The following ADAMTSL3 variants were observed in gnomAD, a reference collection of about 807,000 sequenced individuals.
ADAMTSL3 encodes the protein ADAMTS-like protein 3.
In ADAMTSL3, 128 loss-of-function variants were observed where a neutral mutation model predicts 201.7. The ratio of observed to expected loss-of-function variants is 0.63; its 90% CI spans 0.55 to 0.73. The LOEUF (loss-of-function observed/expected upper bound fraction) is 0.73, where lower values mean the gene tolerates loss of function less well. Ranked by LOEUF, ADAMTSL3 falls within the 30% of genes least tolerant of loss-of-function variation. The pLI, the probability that ADAMTSL3 is intolerant of heterozygous loss-of-function variation, is 0.00. For synonymous variants in ADAMTSL3, 738 were observed against 748.4 expected (o/e 0.99, Z 0.23); for missense variants, 1,990 against 2,119.6 (o/e 0.94, Z 1.20).
Position 83,884,060 on chromosome 15 carries a change from T to G in ADAMTSL3, c.961-1041T>G, listed in dbSNP as rs548576157. Among the ~76,000 whole-genome samples the G allele has an allele frequency of 2.6e-5, 4 of 151,950 alleles. No individual in the cohort carries two copies. The South Asian group carries it at 8.3e-4, about 32-fold the overall frequency. On this transcript the variant is annotated intron_variant, in intron 9 of 29. Transcript: ENST00000286744. ...GGCACATGCCACCACACCCAGCTAA[T>G]TTTTGTATTTTTTAGTAGAGACCAG...
chr15:83,914,473 T>C lies in ADAMTSL3; in HGVS notation c.1987+1095T>C, dbSNP rs549354744. On this transcript the variant is annotated intron_variant, in intron 16 of 29. Coordinates refer to ENST00000286744, the MANE Select transcript of ADAMTSL3 (RefSeq NM_207517.3). Reference sequence around the variant, plus strand: ...TATACCTGCGTATCCTTGCCACTTTTTGTATAACATTGCTAGCCTGGCAGT... The same window carrying C: ...TATACCTGCGTATCCTTGCCACTTTCTGTATAACATTGCTAGCCTGGCAGT... Among the ~76,000 whole-genome samples the C allele has an allele frequency of 9.2e-5, 14 of 152,340 alleles. No homozygotes were observed. In the South Asian group the frequency reaches 2.9e-3, roughly 32 times the overall value.
At chr15:83,985,484 A>G (rs1395593057) in intron 21 of ADAMTSL3, among the ~76,000 whole-genome samples, 3 of 152,106 alleles carry the variant, frequency 2.0e-5, no homozygotes, top group Non-Finnish European at 2.9e-5. Context: ...ATCATATTCC[A>G]TGAAAGAAGC....
chr15:83,896,298 G>T (rs2141904214), intron 13 of ADAMTSL3, among the ~76,000 whole-genome samples: 1 of 152,306 alleles, frequency 6.6e-6, no homozygotes, highest in Non-Finnish European at 1.5e-5. Flanking sequence ...CCCTGGGGTG[G>T]ATCCAGAATT....
chr15:83,962,581 G>A (rs2066993051), intron 19 of ADAMTSL3: 1 of 152,028 alleles, frequency 6.6e-6, no homozygotes, highest in Non-Finnish European at 1.5e-5. Flanking sequence ...AGTTGAAATT[G>A]CATGTATACA....
intron 19 of ADAMTSL3, among the ~76,000 whole-genome samples, chr15:83,968,467 A>G (rs138532692): frequency 0.12 from 17,639 of 152,296 alleles, 1,508 homozygotes; most frequent in Non-Finnish European, 0.17. Context: ...ATGAGATACC[A>G]TCTCACACCA....
At chr15:83,784,668 T>C (rs1276883968) in intron 4 of ADAMTSL3, among the ~76,000 whole-genome samples, 1 of 152,188 alleles carries the variant, frequency 6.6e-6, no homozygotes, top group African/African-American at 2.4e-5. Flanking sequence ...TATACACATA[T>C]CTTGTTTTTA....
chr15:83,921,240 C>T (rs2066137362), intron 16 of ADAMTSL3, among the ~76,000 whole-genome samples: 1 of 152,106 alleles, frequency 6.6e-6, no homozygotes, highest in African/African-American at 2.4e-5. Context: ...GAGAATGTTA[C>T]CTGCATAATT....
intron 2 of ADAMTSL3, among the ~76,000 whole-genome samples, chr15:83,675,404 A>G (rs2061389223): frequency 6.6e-6 from 1 of 151,806 alleles, no homozygotes; most frequent in African/African-American, 2.4e-5. Context: ...TTTTCTTTTA[A>G]TGCTGTTGAT....
chr15:83,654,569 A>C lies in ADAMTSL3; in HGVS notation c.-34+293A>C, dbSNP rs2061050023. On this transcript the variant is annotated intron_variant, in intron 1 of 29. Transcript: ENST00000286744. This position sits in a 1 kb window ranked among gnomAD's most constrained non-coding sequence, Gnocchi z 5.3. ...TTATGGGGGAACTCCACAGGGTTGG[A>C]GTTTTTCAGGATTGGGAGTTACTAA... Among the ~76,000 whole-genome samples, 1 of 151,912 alleles carries C rather than the reference A, an allele frequency of 6.6e-6. No individual in the cohort carries two copies. Among genetic ancestry groups the C allele is most frequent in the Admixed American group, 6.5e-5 (1 of 15,268 alleles).
intron 20 of ADAMTSL3, among the ~76,000 whole-genome samples, chr15:83,971,813 G>C (rs2067201689): frequency 1.3e-5 from 2 of 149,052 alleles, no homozygotes; most frequent in Non-Finnish European, 3.0e-5. Context: ...CTGAACGTTT[G>C]GTAAGGAAAA....
chr15:83,807,074 A>G (rs1394777275), intron 5 of ADAMTSL3, among the ~76,000 whole-genome samples: 1 of 152,262 alleles, frequency 6.6e-6, no homozygotes, highest in East Asian at 1.9e-4. Flanking sequence ...TGAATTTACA[A>G]TAGCTATATT....
At chr15:83,770,234 C>G (rs2062958543) in intron 3 of ADAMTSL3, among the ~76,000 whole-genome samples, 1 of 151,982 alleles carries the variant, frequency 6.6e-6, no homozygotes, top group Admixed American at 6.6e-5. Flanking sequence ...TTTCCCCACC[C>G]CAATATTTTT....
At chr15:84,015,505 T>G (rs1318185311) in intron 24 of ADAMTSL3, among the ~76,000 whole-genome samples, 1 of 152,124 alleles carries the variant, frequency 6.6e-6, no homozygotes, top group African/African-American at 2.4e-5. Flanking sequence ...CACAGTGTTG[T>G]GGGTGGTATT....
chr15:83,742,408 C>T (rs1036360511), intron 3 of ADAMTSL3, among the ~76,000 whole-genome samples: 1 of 151,830 alleles, frequency 6.6e-6, no homozygotes, highest in Admixed American at 6.6e-5. Flanking sequence ...CAACTTATGA[C>T]AGTAGAAAAA....
intron 3 of ADAMTSL3, among the ~76,000 whole-genome samples, chr15:83,714,864 C>T (rs367959773): frequency 1.1e-4 from 9 of 82,322 alleles, no homozygotes; most frequent in East Asian, 3.7e-4. Context: ...CTCCCTCCCT[C>T]CCTCCCTCCC....
chr15:84,016,333 TA>T, intron 24 of ADAMTSL3, 49 bp from the exon 25 acceptor site: 1 of 1,449,534 alleles, frequency 6.9e-7, no homozygotes, highest in Non-Finnish European at 9.7e-7. Flanking sequence ...GCTGGACCAA[TA>T]ATTAGATAAT....
intron 7 of ADAMTSL3, among the ~76,000 whole-genome samples, chr15:83,839,631 A>G (rs2064337844): frequency 6.6e-6 from 1 of 152,182 alleles, no homozygotes; most frequent in Non-Finnish European, 1.5e-5. Flanking sequence ...GTTTAAAATC[A>G]TGAGGCCTTG....
intron 23 of ADAMTSL3, among the ~76,000 whole-genome samples, chr15:84,001,209 A>C (rs546077737): frequency 6.6e-6 from 1 of 152,272 alleles, no homozygotes; most frequent in African/African-American, 2.4e-5. Context: ...ATGCGTCATT[A>C]ATTGAGGGTG....
chr15:83,754,878 G>A (rs1349793377), intron 3 of ADAMTSL3, among the ~76,000 whole-genome samples: 5 of 152,108 alleles, frequency 3.3e-5, no homozygotes, highest in South Asian at 4.1e-4. Flanking sequence ...GGAGATTGGC[G>A]TTACTATGTT....
Sources: allele counts gnomAD v4.1 joint callset (sites outside exome capture counted in the v4.1 genomes callset), GRCh38; gene constraint gnomAD v4.1.1; non-coding constraint Gnocchi (gnomAD v3.1); transcripts MANE v1.5; gene names NCBI Gene and HGNC (gene_info 2026-07-23, HGNC 2026-07-21).